KCNQ1: variants seen among roughly 807,000 people sequenced by gnomAD.
KCNQ1 encodes potassium voltage-gated channel subfamily Q member 1, also known as potassium voltage-gated channel subfamily KQT member 1.
In KCNQ1, 49 loss-of-function variants were observed where a neutral mutation model predicts 72.4. The ratio of observed to expected loss-of-function variants is 0.68; its 90% CI spans 0.54 to 0.86. KCNQ1 has a LOEUF of 0.86. KCNQ1 is among the 40% of genes least tolerant of loss of function. KCNQ1 has a pLI of 0.00. For synonymous variants in KCNQ1, 450 were observed against 412.6 expected, an observed-to-expected ratio of 1.09 and a Z score of -1.10; for missense variants, 790 against 945.1, an observed-to-expected ratio of 0.84 and a Z score of 2.15.
rs183255652 is a variant in KCNQ1, at chr11:2,451,794, G to T, written c.386+6310G>T. Among the ~76,000 whole-genome samples, 1 of 152,278 alleles carries T rather than the reference G, an allele frequency of 6.6e-6. No individual in the cohort carries two copies. Among genetic ancestry groups the T allele is most frequent in the East Asian group, 1.9e-4 (1 of 5,170 alleles). ...TCCACTCACAGATGAGGACATTTGG[G>T]TCGCCTTACAGATGAGACAACTAGG... On this transcript the variant is annotated intron_variant, in intron 1 of 15. Transcript: ENST00000155840. The surrounding 1 kb of genome is among the most constrained non-coding windows in gnomAD (Gnocchi z 6.4).
chr11:2,470,676 C>T (rs952477575), intron 1 of KCNQ1, among the ~76,000 whole-genome samples: 3 of 143,174 alleles, frequency 2.1e-5, no homozygotes, highest in East Asian at 4.1e-4. Flanking sequence ...GGGGTTCCCT[C>T]GGCCAAGTGG....
rs950342062 is a variant in KCNQ1 at position 2,709,356 on chromosome 11, C to T, written c.1514+47275C>T. On this transcript the variant is annotated intron_variant, in intron 11 of 15. Coordinates refer to ENST00000155840, the MANE Select transcript of KCNQ1 (RefSeq NM_000218.3). ...GCAGAGGCTCAGACGCCAGGACCTGCGGGGGCTTCCTGGAATTGGGAGCCA... is the reference window on the plus strand; with the variant it reads ...GCAGAGGCTCAGACGCCAGGACCTGTGGGGGCTTCCTGGAATTGGGAGCCA... 3.3e-5 allele frequency among the ~76,000 whole-genome samples: 5 copies of T among 149,460 alleles called. 1 individual carries two copies. Among genetic ancestry groups the T allele is most frequent in the African/African-American group, 1.2e-4 (5 of 40,392 alleles).
At position 2,484,878 on chromosome 11, in the gene KCNQ1, TTC is replaced by T. The variant is rs1846714729; in HGVS notation, c.386+39402_386+39403del. 6.6e-6 allele frequency among the ~76,000 whole-genome samples: 1 copy of T among 152,228 alleles called. No homozygotes were observed. Among genetic ancestry groups the T allele is most frequent in the African/African-American group, 2.4e-5 (1 of 41,454 alleles). The stretch of plus-strand genomic sequence containing the variant: ...TCCAGTTCTGCCCCAGTGGGGCCAA[TTC>T]TCTCTCTTTGTTGTAACACCTTTCT... On this transcript the variant is annotated intron_variant, in intron 1 of 15. Transcript: ENST00000155840. The surrounding 1 kb of genome is among the most constrained non-coding windows in gnomAD (Gnocchi z 5.2).
In KCNQ1 at chr11:2,752,968, CG is replaced by C. The variant is rs1846249402; in HGVS notation, c.1515-15873del. Among the ~76,000 whole-genome samples, 1 of 152,150 alleles carries C rather than the reference CG, an allele frequency of 6.6e-6. No homozygotes were observed. Among genetic ancestry groups the C allele is most frequent in the Admixed American group, 6.5e-5 (1 of 15,276 alleles). ...GCTGGTCTGGGCTTGAGGACCAGCA[CG>C]GGATCGTTCTCCTCTGTGGGTCGCT... On this transcript the variant is annotated intron_variant, in intron 11 of 15. Transcript: ENST00000155840. This position sits in a 1 kb window ranked among gnomAD's most constrained non-coding sequence, Gnocchi z 5.2.
At chr11:2,718,445 C>T (rs1233817894) in intron 11 of KCNQ1, among the ~76,000 whole-genome samples, 1 of 152,214 alleles carries the variant, frequency 6.6e-6, no homozygotes. Context: ...CCTCATGGGG[C>T]ACAGCTCTGA....
intron 2 of KCNQ1, among the ~76,000 whole-genome samples, chr11:2,568,352 G>A (rs1385235934): frequency 1.3e-5 from 2 of 152,214 alleles, no homozygotes; most frequent in Non-Finnish European, 2.9e-5. Context: ...TCTGCTGGGT[G>A]GTGGATGGGT....
intron 10 of KCNQ1, chr11:2,638,731 G>C (rs1462111571): frequency 7.9e-5 from 12 of 152,130 alleles, no homozygotes; most frequent in Admixed American, 7.2e-4. Flanking sequence ...TGCCTTGCTA[G>C]GTTGGGGAAG....
chr11:2,513,929 C>T (rs1320996739), intron 1 of KCNQ1, among the ~76,000 whole-genome samples: 1 of 152,266 alleles, frequency 6.6e-6, no homozygotes, highest in East Asian at 1.9e-4. Context: ...GCCCCCCGGC[C>T]TGCAAGGTGT....
chr11:2,556,719 G>C (rs1385954667), intron 2 of KCNQ1, among the ~76,000 whole-genome samples: 1 of 152,188 alleles, frequency 6.6e-6, no homozygotes, highest in Non-Finnish European at 1.5e-5. Flanking sequence ...GCAGTCACAC[G>C]CAAATTCTTA....
rs1422226817 is a variant in KCNQ1 at position 2,830,053 on chromosome 11, G to A, written c.1795-17714G>A. Among the ~76,000 whole-genome samples, 2 of 140,136 alleles carry A rather than the reference G, an allele frequency of 1.4e-5. No individual in the cohort carries two copies. The highest frequency in any genetic ancestry group is 2.6e-5 in the African/African-American group (1 of 38,564). The allele number at this position is 140,136 out of a possible 152,430, so 91.9% of individuals were successfully genotyped here. On this transcript the variant is annotated intron_variant, in intron 15 of 15. Transcript: ENST00000155840. The surrounding 1 kb of genome is among the most constrained non-coding windows in gnomAD (Gnocchi z 7.7). ...AGGAGGAGGGAGGAGGAAGGAGGAG[G>A]GAGGAGGGAGGAAGAGAGAGAAGGA...
intron 11 of KCNQ1, among the ~76,000 whole-genome samples, chr11:2,727,832 A>T (rs540257985): frequency 6.6e-6 from 1 of 152,144 alleles, no homozygotes; most frequent in Non-Finnish European, 1.5e-5. Context: ...GTCTTGCACT[A>T]TGAAGGGGCA....
chr11:2,738,196 T>G (rs1373945555), intron 11 of KCNQ1, among the ~76,000 whole-genome samples: 2 of 96,634 alleles, frequency 2.1e-5, no homozygotes, highest in African/African-American at 4.3e-5. Flanking sequence ...CCTGGCTCGG[T>G]GGGGGTGGGC....
At chr11:2,469,008 C>A (rs1384374384) in intron 1 of KCNQ1, among the ~76,000 whole-genome samples, 1 of 152,166 alleles carries the variant, frequency 6.6e-6, no homozygotes, top group African/African-American at 2.4e-5. Context: ...TCTAAAGCAG[C>A]AATCCCCTTT....
At position 2,828,002 on chromosome 11, in the gene KCNQ1, T is replaced by C. The variant is rs183294491; in HGVS notation, c.1795-19765T>C. On this transcript the variant is annotated intron_variant, in intron 15 of 15. Coordinates refer to ENST00000155840, the MANE Select transcript of KCNQ1 (RefSeq NM_000218.3). The surrounding 1 kb of genome is among the most constrained non-coding windows in gnomAD (Gnocchi z 5.3). The stretch of plus-strand genomic sequence containing the variant: ...CCGGGCACATAGAGGTCTTGAAAGC[T>C]CGAATGTGGGGAGGCCAGCAACAGA... Among the ~76,000 whole-genome samples, 63 of 152,074 alleles carry C rather than the reference T, an allele frequency of 4.1e-4. No individual in the cohort carries two copies. The highest frequency in any genetic ancestry group is 1.5e-3 in the African/African-American group (61 of 41,452).
intron 15 of KCNQ1, among the ~76,000 whole-genome samples, chr11:2,831,306 C>T (rs752319632): frequency 5.9e-5 from 9 of 152,270 alleles, no homozygotes; most frequent in Admixed American, 5.2e-4. Context: ...GTATGTGGCC[C>T]GGCCTGCCCT....
chr11:2,604,295 T>C (rs968918563), intron 10 of KCNQ1, among the ~76,000 whole-genome samples: 26 of 151,240 alleles, frequency 1.7e-4, no homozygotes, highest in African/African-American at 6.3e-4. Context: ...CTGGCCAACA[T>C]GGTGAAACCC....
At chr11:2,631,182 C>G in intron 10 of KCNQ1, 1 of 398,534 alleles carries the variant, frequency 2.5e-6, no homozygotes, top group Non-Finnish European at 4.4e-6. Context: ...ACTTTCTACC[C>G]TTTACCTCTC....
chr11:2,579,859 G>A lies in KCNQ1; in HGVS notation c.922-3576G>A, dbSNP rs960385005. On this transcript the variant is annotated intron_variant, in intron 6 of 15. Transcript: ENST00000155840. This position sits in a 1 kb window ranked among gnomAD's most constrained non-coding sequence, Gnocchi z 6.0. ...CTCAGCAGCTCTCGTCTGTTTGGGG[G>A]CAGGTTTGGAAGGTGGTCTCGGGTG... is the stretch of plus-strand genomic sequence containing the variant. Among the ~76,000 whole-genome samples, 2 of 151,992 alleles carry A rather than the reference G, an allele frequency of 1.3e-5. No individual in the cohort carries two copies. Among genetic ancestry groups the A allele is most frequent in the Non-Finnish European group, 2.9e-5 (2 of 67,982 alleles).
rs898808968 is a variant in KCNQ1 at position 2,464,900 on chromosome 11, C to T, written c.386+19416C>T. On this transcript the variant is annotated intron_variant, in intron 1 of 15. Transcript: ENST00000155840. This position sits in a 1 kb window ranked among gnomAD's most constrained non-coding sequence, Gnocchi z 5.0. ...TAAGGTAGTTCAAAGTCCTCCTGCC[C>T]GAGGAAGTAAGACAGCAATCTCTGG... Among the ~76,000 whole-genome samples, 2 of 152,166 alleles carry T rather than the reference C, an allele frequency of 1.3e-5. No individual in the cohort carries two copies. Among genetic ancestry groups the T allele is most frequent in the East Asian group, 1.9e-4 (1 of 5,172 alleles).
Sources: gnomAD v4.1 joint callset for allele counts (sites outside exome capture counted in the v4.1 genomes callset) on GRCh38, gnomAD v4.1.1 for gene constraint, Gnocchi (gnomAD v3.1) non-coding constraint, MANE v1.5 for transcripts, NCBI Gene and HGNC (gene_info 2026-07-23, HGNC 2026-07-21) for gene names.